FBXO43: variants seen among roughly 807,000 people sequenced by gnomAD.
The protein encoded by FBXO43 is F-box only protein 43.
A neutral mutation model predicts 56.7 loss-of-function variants in FBXO43; 22 were observed. The observed-to-expected ratio is 0.39, with a 90% confidence interval of 0.28 to 0.55. FBXO43 has a LOEUF of 0.55. FBXO43 is among the 20% of genes least tolerant of loss of function. The pLI, the probability that FBXO43 is intolerant of heterozygous loss-of-function variation, is 0.66. For synonymous variants in FBXO43, 306 were observed against 294.5 expected (o/e 1.04, Z -0.40); for missense variants, 733 against 814.9 (o/e 0.90, Z 1.22).
At position 100,141,742 on chromosome 8, in the gene FBXO43, G is replaced by C; in HGVS notation, c.512C>G (p.Ser171Ter). 6.3e-7 allele frequency: 1 copy of C among 1,595,610 alleles called. No homozygotes were observed. ...ACTACTTTCTAAAGAACTATTTTGT[G>C]ATTCAAAGTCCCCTTTTAGAAGAGC... Reference protein sequence around the residue: ...SFALLKGDFESQNSSLESSIS... With the variant: ...SFALLKGDFE The change falls in exon 2 of 5, where the codon TCA (serine) becomes TGA (stop). Residue 171 changes from serine (S) to a stop codon, truncating the protein, a stop_gained. Coordinates refer to ENST00000428847, the MANE Select transcript of FBXO43 (RefSeq NM_001029860.4). LOFTEE classifies it high-confidence loss of function.
intron 2 of FBXO43, among the ~76,000 whole-genome samples, chr8:100,139,611 T>C (rs1814577670): frequency 6.6e-6 from 1 of 152,230 alleles, no homozygotes; most frequent in Non-Finnish European, 1.5e-5. Context: ...TCTTGTCTTC[T>C]GATAGTCCTG....
At chr8:100,142,516 GAACTA>G (rs1814693192) in intron 1 of FBXO43, among the ~76,000 whole-genome samples, 3 of 152,096 alleles carry the variant, frequency 2.0e-5, no homozygotes, top group Non-Finnish European at 4.4e-5. Flanking sequence ...GATTTTCACA[GAACTA>G]AACAATTTTG....
chr8:100,150,568 G>C (rs969907746), upstream of FBXO43: 9 of 152,422 alleles, frequency 5.9e-5, no homozygotes, highest in African/African-American at 2.2e-4. Flanking sequence ...GGCCACGCCT[G>C]GGGCGGAAGG....
chr8:100,148,990 A>G (rs1286891667), upstream of FBXO43, among the ~76,000 whole-genome samples: 3 of 152,236 alleles, frequency 2.0e-5, no homozygotes, highest in African/African-American at 7.2e-5. Context: ...CCAGGATGGC[A>G]AGACAACTAC....
chr8:100,146,025 G>A (rs946066072), upstream of FBXO43, among the ~76,000 whole-genome samples: 3 of 152,204 alleles, frequency 2.0e-5, no homozygotes, highest in African/African-American at 7.2e-5. Flanking sequence ...TCCCACTTTG[G>A]GAAGCATTAC....
chr8:100,141,231 C>T lies in FBXO43; in HGVS notation c.1023G>A (p.Leu341=), dbSNP rs915324378. 6.2e-7 allele frequency: 1 copy of T among 1,614,018 alleles called. No individual in the cohort carries two copies. Among genetic ancestry groups the T allele is most frequent in the Non-Finnish European group, 8.5e-7 (1 of 1,180,022 alleles). ...PEDSGFNSLS[L]EKSEDSLSDQ... Reference sequence around the variant, plus strand: ...CAGACAGGGAATCTTCTGATTTCTCCAAGCTAAGTGAGTTAAAACCACTGT... The same window carrying T: ...CAGACAGGGAATCTTCTGATTTCTCTAAGCTAAGTGAGTTAAAACCACTGT... Residue 341 remains leucine (L), a synonymous_variant, in exon 2 of 5, where the codon TTG becomes TTA. Transcript: ENST00000428847.
chr8:100,144,892 A>G (rs1241268889), intron 1 of FBXO43, 159 bp downstream of exon 1: 1 of 764,278 alleles, frequency 1.3e-6, no homozygotes, highest in Non-Finnish European at 1.9e-6. Context: ...AGATCGCGCC[A>G]CTGCACTCCA....
At chr8:100,146,262 T>TA (rs1029190827), upstream of FBXO43, among the ~76,000 whole-genome samples, 55 of 152,342 alleles carry the variant, frequency 3.6e-4, no homozygotes, top group African/African-American at 1.1e-3. Context: ...TAGTTCTTTT[T>TA]ATCTGTGTTT....
rs1004494992 is a variant in FBXO43 at position 100,140,826 on chromosome 8, A to T, written c.1428T>A (p.Ala476=). The change falls in exon 2 of 5, where the codon GCT becomes GCA. Residue 476 remains alanine, a synonymous_variant. Transcript: ENST00000428847. ...FLEQGDGEKI[A]VLQCILAGLI... is the part of the protein sequence containing the mutation. ...GTCCTGCAAGTATACACTGCAGTAC[A>T]GCTATTTTCTCCCCATCCCCTTGCT... 9.3e-6 allele frequency: 15 copies of T among 1,614,120 alleles called. No homozygotes were observed. The highest frequency in any genetic ancestry group is 1.1e-5 in the Non-Finnish European group (13 of 1,180,054).
intron 2 of FBXO43, among the ~76,000 whole-genome samples, chr8:100,138,442 A>C (rs1178816722): frequency 1.3e-5 from 2 of 152,148 alleles, no homozygotes; most frequent in Non-Finnish European, 2.9e-5. Context: ...CTAGGCTGAT[A>C]TATGTGCCCT....
At chr8:100,139,072 T>C (rs983377980) in intron 2 of FBXO43, among the ~76,000 whole-genome samples, 1 of 152,190 alleles carries the variant, frequency 6.6e-6, no homozygotes, top group Non-Finnish European at 1.5e-5. Context: ...GGAAAAATAC[T>C]GGATTAGAAA....
In FBXO43 at chr8:100,141,966, C is replaced by A. The variant is rs1341543275; in HGVS notation, c.288G>T (p.Lys96Asn). ...FDNIDKEYLG[K>N]KEKGPTLLYE... The stretch of plus-strand genomic sequence containing the variant: ...AGAGTAATGTTGGGCCTTTTTCTTT[C>A]TTTCCAAGATATTCTTTATCTATAT... Residue 96 changes from lysine to asparagine, a missense_variant, in exon 2 of 5, where the codon AAG becomes AAT. Coordinates refer to ENST00000428847, the MANE Select transcript of FBXO43 (RefSeq NM_001029860.4). The A allele has an allele frequency of 1.9e-6, 3 of 1,605,038 alleles. No homozygotes were observed. The highest frequency in any genetic ancestry group is 1.7e-5 in the Admixed American group (1 of 58,066).
chr8:100,133,971 T>C lies in FBXO43; in HGVS notation c.1958A>G (p.Lys653Arg), dbSNP rs2132115851. The change falls in exon 5 of 5, where the codon AAG becomes AGG. Residue 653 changes from lysine to arginine, a missense_variant. Lys to Arg is a conservative substitution (Grantham distance 26, BLOSUM62 2). Coordinates refer to ENST00000428847, the MANE Select transcript of FBXO43 (RefSeq NM_001029860.4). The part of the protein sequence containing the change: ...CQSPAKYQPY[K>R]KRGLCSRTAC... ...TGTTCGGCTACACAGTCCCCTTTTC[T>C]TATATGGCTGGTACTTAGCAGGGGA... 1.2e-6 allele frequency: 2 copies of C among 1,614,140 alleles called. No homozygotes were observed. Among genetic ancestry groups the C allele is most frequent in the East Asian group, 2.2e-5 (1 of 44,886 alleles).
chr8:100,138,137 T>C (rs1040177557), intron 2 of FBXO43, among the ~76,000 whole-genome samples: 1 of 152,178 alleles, frequency 6.6e-6, no homozygotes, highest in Non-Finnish European at 1.5e-5. Flanking sequence ...ATAAATACTA[T>C]TATGGGTCGC....
chr8:100,136,162 C>A (rs918107867), intron 3 of FBXO43, among the ~76,000 whole-genome samples: 1 of 152,176 alleles, frequency 6.6e-6, no homozygotes, highest in African/African-American at 2.4e-5. Context: ...TACAAACTCC[C>A]AGAGCCAGCA....
intron 3 of FBXO43, among the ~76,000 whole-genome samples, chr8:100,135,233 G>C (rs1317769995): frequency 6.6e-6 from 1 of 151,410 alleles, no homozygotes; most frequent in African/African-American, 2.5e-5. Context: ...TAAGATAGGA[G>C]AAGAGAGAAA....
At chr8:100,138,017 CA>C in intron 2 of FBXO43, among the ~76,000 whole-genome samples, 1 of 152,122 alleles carries the variant, frequency 6.6e-6, no homozygotes, top group Non-Finnish European at 1.5e-5. Context: ...ATCTATAACA[CA>C]AGAGGTTTCA....
chr8:100,146,868 G>C (rs1814840298), upstream of FBXO43, among the ~76,000 whole-genome samples: 1 of 152,172 alleles, frequency 6.6e-6, no homozygotes, highest in African/African-American at 2.4e-5. Flanking sequence ...ATTATTATGA[G>C]ACAGGGTCTC....
chr8:100,144,240 G>A (rs1814747578), intron 1 of FBXO43, among the ~76,000 whole-genome samples: 1 of 152,076 alleles, frequency 6.6e-6, no homozygotes, highest in Admixed American at 6.6e-5. Context: ...TATTCTGGCC[G>A]GTGGCTCACG....
Sources: gnomAD v4.1 joint callset for allele counts (sites outside exome capture counted in the v4.1 genomes callset) on GRCh38, gnomAD v4.1.1 for gene constraint, MANE v1.5 for transcripts, NCBI Gene and HGNC (gene_info 2026-07-23, HGNC 2026-07-21) for gene names.